Variants in TNPO1 observed in about 807,000 individuals in gnomAD.
TNPO1 encodes the protein transportin 1.
Under a neutral mutation model 119.5 loss-of-function variants are expected in TNPO1, and 8 were observed. The ratio of observed to expected loss-of-function variants is 0.07; its 90% confidence interval spans 0.04 to 0.12. The LOEUF (loss-of-function observed/expected upper bound fraction) is 0.12, where lower values mean the gene tolerates loss of function less well. Ranked by LOEUF, TNPO1 falls within the 10% of genes least tolerant of loss-of-function variation. The probability of loss-of-function intolerance (pLI) is 1.00; values close to 1 mark genes in which losing one functional copy is unlikely to be tolerated. For synonymous variants in TNPO1, 362 were observed against 363.0 expected (o/e 1.00, Z 0.03); for missense variants, 576 against 1,089.8 (o/e 0.53, Z 6.64).
At chr5:72,827,863 T>C (rs553215679) in intron 1 of TNPO1, among the ~76,000 whole-genome samples, 1 of 148,868 alleles carries the variant, frequency 6.7e-6, no homozygotes, top group South Asian at 2.1e-4. Flanking sequence ...AAGGTTGCAG[T>C]GATCTGTGGT....
intron 1 of TNPO1, among the ~76,000 whole-genome samples, chr5:72,836,940 C>G (rs2112206297): frequency 6.6e-6 from 1 of 152,284 alleles, no homozygotes; most frequent in Admixed American, 6.5e-5. Context: ...GAGACCTCAT[C>G]AGAATGGCCT....
At chr5:72,849,482 G>A (rs910112890) in intron 2 of TNPO1, among the ~76,000 whole-genome samples, 1 of 152,218 alleles carries the variant, frequency 6.6e-6, no homozygotes, top group Admixed American at 6.5e-5. Flanking sequence ...TTAATATGGA[G>A]TTTGGTAAGT....
chr5:72,851,004 T>C (rs1745503259), intron 2 of TNPO1, among the ~76,000 whole-genome samples: 1 of 152,192 alleles, frequency 6.6e-6, no homozygotes, highest in Non-Finnish European at 1.5e-5. Context: ...GGAACTTTCT[T>C]ATGTTGTATT....
intron 3 of TNPO1, 106 bp downstream of exon 3, chr5:72,851,425 C>A: frequency 1.4e-6 from 1 of 690,808 alleles, no homozygotes. Flanking sequence ...TAACCTTGTG[C>A]TTTATAGATG....
chr5:72,857,241 C>T (rs1205602751), intron 4 of TNPO1, among the ~76,000 whole-genome samples: 1 of 151,980 alleles, frequency 6.6e-6, no homozygotes, highest in East Asian at 1.9e-4. Flanking sequence ...TTGCTTGAAC[C>T]CGGGAGGTGC....
rs746189849 is a variant in TNPO1 at position 72,893,107 on chromosome 5, A to C, written c.1789-32A>C. ...TCATCATAATCTTCAGTATACCCAGAAAGTTTAGCATGTGTACTTTATTCT... is the reference window on the plus strand; with the variant it reads ...TCATCATAATCTTCAGTATACCCAGCAAGTTTAGCATGTGTACTTTATTCT... On this transcript the variant is annotated intron_variant, in intron 15 of 24. Coordinates refer to ENST00000337273, the MANE Select transcript of TNPO1 (RefSeq NM_002270.4). The C allele has an allele frequency of 1.4e-5, 21 of 1,540,092 alleles. No individual in the cohort carries two copies. In the East Asian group the frequency reaches 4.5e-4, roughly 33 times the overall value.
Position 72,901,087 on chromosome 5 carries a change from A to G in TNPO1, c.2514+14A>G. ...GGCGTAATCCAAGTAAGATGTTCAC[A>G]AAGATTTGTTTTTAATGTCTAATTA... On this transcript the variant is annotated intron_variant, in intron 22 of 24. Coordinates refer to ENST00000337273, the MANE Select transcript of TNPO1 (RefSeq NM_002270.4). The G allele has an allele frequency of 6.4e-7, 1 of 1,561,312 alleles. No homozygotes were observed. The highest frequency in any genetic ancestry group is 1.2e-5 in the South Asian group (1 of 83,464).
At chr5:72,878,637 C>T (rs1052789865) in intron 9 of TNPO1, 1 of 181,472 alleles carries the variant, frequency 5.5e-6, no homozygotes, top group Non-Finnish European at 1.2e-5. Context: ...TCGTATCTTG[C>T]TTAACCTTGC....
At chr5:72,890,622 TGTTG>T (rs1748974694) in intron 14 of TNPO1, among the ~76,000 whole-genome samples, 1 of 152,330 alleles carries the variant, frequency 6.6e-6, no homozygotes, top group African/African-American at 2.4e-5. Context: ...TTTGCTTTGC[TGTTG>T]GTTGTTTGGT....
chr5:72,816,772 G>T lies in TNPO1; in HGVS notation c.15+20G>T. On this transcript the variant is annotated intron_variant, in intron 1 of 24. Coordinates refer to ENST00000337273, the MANE Select transcript of TNPO1 (RefSeq NM_002270.4). ...GACCGGGTAGGTGGCGTGAGGGTGC[G>T]CGGCCCCGAACTGCAGGGGCGGGAA... is the stretch of plus-strand genomic sequence containing the variant. 1 of 1,582,296 alleles carries T rather than the reference G, an allele frequency of 6.3e-7. No individual in the cohort carries two copies. The highest frequency in any genetic ancestry group is 8.6e-7 in the Non-Finnish European group (1 of 1,166,302).
Position 72,846,582 on chromosome 5 carries a change from G to GT in TNPO1, c.16-1797dup, listed in dbSNP as rs1435979846. Reference sequence around the variant, plus strand: ...TGTTTGATTTATTATAATATTTGTAGTTTTTTAAAAGTTTCTGAAGTTAAG... The same window carrying GT: ...TGTTTGATTTATTATAATATTTGTAGTTTTTTTAAAAGTTTCTGAAGTTAAG... On this transcript the variant is annotated intron_variant, in intron 1 of 24. Transcript: ENST00000337273. Among the ~76,000 whole-genome samples, 17 of 152,226 alleles carry GT rather than the reference G, an allele frequency of 1.1e-4. No homozygotes were observed. In the South Asian group the frequency reaches 2.7e-3, roughly 24 times the overall value.
intron 5 of TNPO1, among the ~76,000 whole-genome samples, chr5:72,863,579 T>C (rs553812825): frequency 1.1e-4 from 16 of 152,046 alleles, no homozygotes; most frequent in Non-Finnish European, 2.1e-4. Flanking sequence ...CTGGCCAACA[T>C]GGTAAAACCC....
rs1052245571 is a variant in TNPO1 at position 72,910,372 on chromosome 5, A to G, written c.*1699A>G. On this transcript the variant is annotated 3_prime_UTR_variant, in exon 25 of 25. Coordinates refer to ENST00000337273, the MANE Select transcript of TNPO1 (RefSeq NM_002270.4). ...TATTTTCTTATATACTGTGAATGTG[A>G]AAACCTAACTGGTACACTTGATCTT... 5 of 152,594 alleles carry G rather than the reference A, an allele frequency of 3.3e-5. No homozygotes were observed. Among genetic ancestry groups the G allele is most frequent in the African/African-American group, 1.2e-4 (5 of 41,438 alleles). 9.5% of individuals were successfully genotyped at this position (152,594 alleles called of 1,614,324 possible). A position where few individuals can be genotyped will look rare whatever the true frequency, so the allele number is the denominator to read the frequency against.
intron 3 of TNPO1, among the ~76,000 whole-genome samples, chr5:72,854,525 T>C (rs550679860): frequency 2.0e-5 from 3 of 152,336 alleles, no homozygotes; most frequent in South Asian, 2.1e-4. Context: ...CTTCATCTTA[T>C]AGCCCTTTGA....
chr5:72,824,429 C>T (rs938494160), intron 1 of TNPO1, among the ~76,000 whole-genome samples: 2 of 152,246 alleles, frequency 1.3e-5, no homozygotes, highest in Admixed American at 6.5e-5. Flanking sequence ...TTGTCTGCAC[C>T]ACTCCCACAG....
At chr5:72,848,538 C>G in intron 2 of TNPO1, 40 bp downstream of exon 2, 3 of 1,377,012 alleles carry the variant, frequency 2.2e-6, no homozygotes, top group Non-Finnish European at 2.9e-6. Context: ...GCGCAGCTCG[C>G]CCCGCGCTGC....
At position 72,888,143 on chromosome 5, in the gene TNPO1, G is replaced by A. The variant is rs1748790328; in HGVS notation, c.1369G>A (p.Asp457Asn). ...TCCTCACCTTATTCAGTGCCTCTCT[G>A]ATAAAAAGGCTCTTGTGCGTTCCAT... ...LIPHLIQCLS[D>N]KKALVRSITC... The change falls in exon 13 of 25, where the codon GAT becomes AAT. Residue 457 changes from aspartate to asparagine, a missense_variant. Asp to Asn is a conservative substitution (Grantham distance 23). Transcript: ENST00000337273. 2 of 1,614,094 alleles carry A rather than the reference G, an allele frequency of 1.2e-6. No homozygotes were observed. The highest frequency in any genetic ancestry group is 2.7e-5 in the African/African-American group (2 of 74,990).
At chr5:72,866,759 A>G (rs1746937736) in intron 6 of TNPO1, among the ~76,000 whole-genome samples, 1 of 152,218 alleles carries the variant, frequency 6.6e-6, no homozygotes, top group Admixed American at 6.5e-5. Flanking sequence ...GTCTCAAAAA[A>G]GAAAAACAGA....
intron 24 of TNPO1, among the ~76,000 whole-genome samples, chr5:72,906,469 T>C (rs1750177140): frequency 6.6e-6 from 1 of 151,890 alleles, no homozygotes; most frequent in Non-Finnish European, 1.5e-5. Context: ...TTTTTGTATT[T>C]TTAGTAGAGA....
Sources: allele counts gnomAD v4.1 joint callset (sites outside exome capture counted in the v4.1 genomes callset), GRCh38; gene constraint gnomAD v4.1.1; transcripts MANE v1.5; gene names NCBI Gene and HGNC (gene_info 2026-07-23, HGNC 2026-07-21).